The following CDH13 variants were observed in gnomAD, a reference collection of about 807,000 sequenced individuals.
The protein encoded by CDH13 is cadherin-13.
CDH13 carries 24 observed loss-of-function variants against 63.8 expected under a neutral mutation model. The observed-to-expected ratio is 0.38, with a 90% CI of 0.27 to 0.53. The LOEUF (loss-of-function observed/expected upper bound fraction) is 0.53. CDH13 is among the 20% of genes least tolerant of loss of function. The pLI is 0.85. For synonymous variants in CDH13, 503 were observed against 355.3 expected, an observed-to-expected ratio of 1.42 and a Z score of -4.67; for missense variants, 1,049 against 903.1, an observed-to-expected ratio of 1.16 and a Z score of -2.07.
intron 2 of CDH13, among the ~76,000 whole-genome samples, chr16:83,002,407 C>A (rs567890756): frequency 2.4e-4 from 36 of 152,194 alleles, no homozygotes; most frequent in Non-Finnish European, 4.7e-4. Flanking sequence ...CCTCTAGAAC[C>A]TATGGAGGAA....
At chr16:83,173,702 A>C (rs192995473) in intron 4 of CDH13, among the ~76,000 whole-genome samples, 6 of 152,164 alleles carry the variant, frequency 3.9e-5, no homozygotes, top group African/African-American at 1.2e-4. Flanking sequence ...TGCTTCGAAA[A>C]CTATAGAGAA....
Position 83,461,791 on chromosome 16 carries a change from C to T in CDH13, c.782-24686C>T, listed in dbSNP as rs533692245. Among the ~76,000 whole-genome samples the T allele has an allele frequency of 3.3e-4, 51 of 152,282 alleles. No individual in the cohort carries two copies. In the South Asian group the frequency reaches 5.2e-3, roughly 15 times the overall value. ...ATCAGCTTGTAAGTTTGTAGCTCAT[C>T]GGAGGGGAATGTATAAGAGCTATAG... On this transcript the variant is annotated intron_variant, in intron 6 of 13. Transcript: ENST00000567109.
intron 7 of CDH13, among the ~76,000 whole-genome samples, chr16:83,523,098 A>AC (rs1005695768): frequency 6.6e-6 from 1 of 152,150 alleles, no homozygotes; most frequent in African/African-American, 2.4e-5. Context: ...CTCCTCTGGT[A>AC]CCCCTTTTAT....
intron 1 of CDH13, among the ~76,000 whole-genome samples, chr16:82,827,958 G>C (rs1482916752): frequency 6.6e-6 from 1 of 152,074 alleles, no homozygotes; most frequent in Non-Finnish European, 1.5e-5. Flanking sequence ...AGTCATCCTG[G>C]TTTGCCCAAT....
At chr16:83,254,879 G>C (rs1042725329) in intron 5 of CDH13, among the ~76,000 whole-genome samples, 4 of 152,140 alleles carry the variant, frequency 2.6e-5, no homozygotes, top group Non-Finnish European at 5.9e-5. Flanking sequence ...TAGGGGAAAT[G>C]CTAGATGAGA....
chr16:82,903,506 C>G (rs1237365929), intron 2 of CDH13, among the ~76,000 whole-genome samples: 1 of 152,170 alleles, frequency 6.6e-6, no homozygotes. Flanking sequence ...TAATTCTGGC[C>G]CTTCCTGGCC....
chr16:83,391,900 T>C (rs2091794380), intron 6 of CDH13, among the ~76,000 whole-genome samples: 1 of 152,110 alleles, frequency 6.6e-6, no homozygotes, highest in Non-Finnish European at 1.5e-5. Context: ...TCGAGTTGGG[T>C]TCTAGACTCA....
At chr16:83,255,163 G>A (rs73593960) in intron 5 of CDH13, among the ~76,000 whole-genome samples, 6,869 of 152,114 alleles carry the variant, frequency 0.045, 497 homozygotes, top group African/African-American at 0.15. Context: ...ATTGACTATT[G>A]AAAAGGCTGA....
At chr16:83,457,263 G>A (rs565470508) in intron 6 of CDH13, among the ~76,000 whole-genome samples, 62 of 152,256 alleles carry the variant, frequency 4.1e-4, no homozygotes, top group African/African-American at 1.2e-3. Context: ...CACTCAGCAC[G>A]TGCCTGGGCT....
chr16:82,854,696 T>G (rs890374226), intron 1 of CDH13, among the ~76,000 whole-genome samples: 1 of 152,202 alleles, frequency 6.6e-6, no homozygotes, highest in Non-Finnish European at 1.5e-5. Flanking sequence ...ATGTCTCTTT[T>G]GTGGTTTTGC....
chr16:83,570,941 T>TC (rs1304737212), intron 7 of CDH13, among the ~76,000 whole-genome samples: 25 of 59,302 alleles, frequency 4.2e-4, no homozygotes, highest in African/African-American at 1.3e-3. Context: ...TATTTATAAC[T>TC]CATCCATATA....
chr16:83,128,263 C>T (rs1159014477), intron 4 of CDH13, among the ~76,000 whole-genome samples: 1 of 152,092 alleles, frequency 6.6e-6, no homozygotes, highest in African/African-American at 2.4e-5. Context: ...GGAGGACTGC[C>T]GGTCTTAAGC....
intron 1 of CDH13, among the ~76,000 whole-genome samples, chr16:82,795,537 C>G (rs943972326): frequency 6.6e-6 from 1 of 152,186 alleles, no homozygotes; most frequent in Non-Finnish European, 1.5e-5. Flanking sequence ...TTATGGAATG[C>G]TCAGTCAACC....
intron 6 of CDH13, among the ~76,000 whole-genome samples, chr16:83,415,151 A>G (rs11643848): frequency 0.11 from 17,180 of 151,886 alleles, 1,257 homozygotes; most frequent in Middle Eastern, 0.17. Flanking sequence ...CTGCCAAAAA[A>G]AATGAAAAAA....
At chr16:83,211,323 T>C (rs1312905305) in intron 4 of CDH13, among the ~76,000 whole-genome samples, 1 of 152,180 alleles carries the variant, frequency 6.6e-6, no homozygotes, top group Non-Finnish European at 1.5e-5. Context: ...AACTCTGTAG[T>C]ATCTTTGTAA....
chr16:83,249,813 G>C (rs1905313331), intron 5 of CDH13, among the ~76,000 whole-genome samples: 2 of 152,126 alleles, frequency 1.3e-5, no homozygotes, highest in Non-Finnish European at 2.9e-5. Flanking sequence ...CTTTGACGTT[G>C]GTGTTACAGA....
chr16:83,445,319 T>G (rs1171946730), intron 6 of CDH13, among the ~76,000 whole-genome samples: 1 of 152,080 alleles, frequency 6.6e-6, no homozygotes, highest in Non-Finnish European at 1.5e-5. Flanking sequence ...TTTGCATCAT[T>G]TTCACCTACC....
At chr16:83,739,068 A>G (rs1279261361) in intron 10 of CDH13, among the ~76,000 whole-genome samples, 1 of 152,160 alleles carries the variant, frequency 6.6e-6, no homozygotes, top group Non-Finnish European at 1.5e-5. Context: ...CCTGCCTACA[A>G]GGTTGGCCTC....
At chr16:82,767,549 C>T (rs1476289844) in intron 1 of CDH13, among the ~76,000 whole-genome samples, 2 of 152,190 alleles carry the variant, frequency 1.3e-5, no homozygotes, top group African/African-American at 4.8e-5. Flanking sequence ...TTTAAATTCC[C>T]TGTGCCAAAC....
Sources: gnomAD v4.1 joint callset for allele counts (sites outside exome capture counted in the v4.1 genomes callset) on GRCh38, gnomAD v4.1.1 for gene constraint, MANE v1.5 for transcripts, NCBI Gene and HGNC (gene_info 2026-07-23, HGNC 2026-07-21) for gene names.